DNLZ: variants seen among roughly 807,000 people sequenced by gnomAD.
DNLZ encodes DNL-type zinc finger protein.
In DNLZ, 15 loss-of-function variants were observed where a neutral mutation model predicts 7.8. The observed-to-expected ratio is 1.91, with a 90% CI of 1.28 to 2.95. The LOEUF (loss-of-function observed/expected upper bound fraction) is 2.95, where lower values mean the gene tolerates loss of function less well. DNLZ is among the 30% of genes most tolerant of loss of function. DNLZ has a pLI of 0.00. For synonymous variants in DNLZ, 123 were observed against 77.8 expected (o/e 1.58, Z -3.05); for missense variants, 255 against 167.3 (o/e 1.52, Z -2.89).
chr9:136,363,227 C>G, intron 1 of DNLZ, 99 bp from the exon 2 acceptor site: 1 of 1,418,100 alleles, frequency 7.1e-7, no homozygotes, highest in East Asian at 2.3e-5. Context: ...CTCACCCTCT[C>G]CAGAGAAGGC....
rs1832969263 is a variant in DNLZ at position 136,360,872 on chromosome 9, G to C, written c.*1140C>G. On this transcript the variant is annotated 3_prime_UTR_variant, in exon 3 of 3. Coordinates refer to ENST00000371738, the MANE Select transcript of DNLZ (RefSeq NM_001080849.3). ...CCCACATGCTGGTCCAGGCCCTCTG[G>C]AGGCAGTGAGGCAGCCAAGCCAAGC... The C allele has an allele frequency of 6.6e-6, 1 of 152,194 alleles. No individual in the cohort carries two copies. Among genetic ancestry groups the C allele is most frequent in the African/African-American group, 2.4e-5 (1 of 41,422 alleles). 9.4% of individuals were successfully genotyped at this position (152,194 alleles called of 1,614,324 possible). A position where few individuals can be genotyped will look rare whatever the true frequency, so the allele number is the denominator to read the frequency against.
intron 2 of DNLZ, 25 bp downstream of exon 2, chr9:136,362,964 C>T: frequency 6.2e-7 from 1 of 1,611,886 alleles, no homozygotes; most frequent in Non-Finnish European, 8.5e-7. Flanking sequence ...GGCCTTCTGG[C>T]CCAGCCCTGG....
In DNLZ at chr9:136,362,093, T is replaced by C. The variant is rs759222245; in HGVS notation, c.456A>G (p.Ala152=). Residue 152 remains alanine, a synonymous_variant, in exon 3 of 3, where the codon GCA becomes GCG. Transcript: ENST00000371738. ...GAGCTGCAGTGGATGTGGGGGCCCC[T>C]GCAGCCTCCAGAACCAGTTCCAGGG... is the stretch of plus-strand genomic sequence containing the variant. The part of the protein sequence containing the change: ...EGALELVLEA[A]GAPTSTAAPE... The C allele has an allele frequency of 6.8e-7, 1 of 1,470,616 alleles. No individual in the cohort carries two copies. Among genetic ancestry groups the C allele is most frequent in the Non-Finnish European group, 9.0e-7 (1 of 1,108,768 alleles). The allele number at this position is 1,470,616 out of a possible 1,614,324, so 91.1% of individuals were successfully genotyped here.
chr9:136,362,170 C>G lies in DNLZ; in HGVS notation c.379G>C (p.Glu127Gln), dbSNP rs756581936. Residue 127 changes from glutamate to glutamine, a missense_variant, in exon 3 of 3, where the codon GAG becomes CAG. Physicochemically the swap from Glu to Gln is conservative, Grantham distance 29. Coordinates refer to ENST00000371738, the MANE Select transcript of DNLZ (RefSeq NM_001080849.3). ...TGCTCGCCTCTGGCCGTCAGGATCT[C>G]TTCGATATTTCTGGGGGGCAGGGAG... ...SDLNGKRNIE[E>Q]ILTARGEQVH... The G allele has an allele frequency of 1.3e-6, 2 of 1,491,978 alleles. No homozygotes were observed. Among genetic ancestry groups the G allele is most frequent in the Non-Finnish European group, 1.8e-6 (2 of 1,125,494 alleles). 92.4% of individuals were successfully genotyped at this position (1,491,978 alleles called of 1,614,324 possible). A position where few individuals can be genotyped will look rare whatever the true frequency, so the allele number is the denominator to read the frequency against.
At chr9:136,362,848 T>A (rs754996952) in intron 2 of DNLZ, 141 bp downstream of exon 2, 6 of 697,974 alleles carry the variant, frequency 8.6e-6, no homozygotes, top group Non-Finnish European at 1.4e-5. Flanking sequence ...AATTCTCATT[T>A]AACTGTGTGT....
intron 2 of DNLZ, 62 bp from the exon 3 acceptor site, chr9:136,362,242 C>T (rs897883392): frequency 2.9e-6 from 4 of 1,374,174 alleles, no homozygotes; most frequent in Non-Finnish European, 3.8e-6. Flanking sequence ...ACTTCAGTCC[C>T]CTCAGGGCGC....
At chr9:136,362,966 C>T in intron 2 of DNLZ, 23 bp downstream of exon 2, 1 of 1,612,044 alleles carries the variant, frequency 6.2e-7, no homozygotes, top group South Asian at 1.1e-5. Context: ...CCTTCTGGCC[C>T]AGCCCTGGGG....
rs1217139028 is a variant in DNLZ, at chr9:136,361,000, C to T, written c.*1012G>A. 1.3e-5 allele frequency: 2 copies of T among 152,288 alleles called. No homozygotes were observed. Among genetic ancestry groups the T allele is most frequent in the Admixed American group, 1.3e-4 (2 of 15,288 alleles). The allele number at this position is 152,288 out of a possible 1,614,324, so 9.4% of individuals were successfully genotyped here. On this transcript the variant is annotated 3_prime_UTR_variant, in exon 3 of 3. Transcript: ENST00000371738. ...GGCTCAGCCGAGAAGAGGACAGTTT[C>T]CACAAATGGCACAGAAGGCTCTGGG...
In DNLZ at chr9:136,363,083, G is replaced by T; in HGVS notation, c.274C>A (p.His92Asn). ...SSKRISKLAY[H>N]QGVVIVTCPG... Reference sequence around the variant, plus strand: ...CAGGTCACAATGACCACGCCTTGGTGATAGGCCAGCTTGGAGATGCGCTTG... The same window carrying T: ...CAGGTCACAATGACCACGCCTTGGTTATAGGCCAGCTTGGAGATGCGCTTG... Residue 92 changes from histidine to asparagine, a missense_variant, in exon 2 of 3, where the codon CAC becomes AAC. Coordinates refer to ENST00000371738, the MANE Select transcript of DNLZ (RefSeq NM_001080849.3). 1 of 1,613,692 alleles carries T rather than the reference G, an allele frequency of 6.2e-7. No homozygotes were observed. The highest frequency in any genetic ancestry group is 8.5e-7 in the Non-Finnish European group (1 of 1,179,988).
At position 136,363,016 on chromosome 9, in the gene DNLZ, C is replaced by G. The variant is rs1363033593; in HGVS notation, c.341G>C (p.Gly114Ala). ...QNHHIIADNL[G>A]WFSDLNGKRN... is the part of the protein sequence containing the mutation. ...CTTCCCATTCAGGTCCGAGAACCAGCCCAGGTTGTCAGCGATGATATGGTG... is the reference window on the plus strand; with the variant it reads ...CTTCCCATTCAGGTCCGAGAACCAGGCCAGGTTGTCAGCGATGATATGGTG... Residue 114 changes from glycine to alanine, a missense_variant, in exon 2 of 3, where the codon GGC becomes GCC. Coordinates refer to ENST00000371738, the MANE Select transcript of DNLZ (RefSeq NM_001080849.3). 33 of 1,613,676 alleles carry G rather than the reference C, an allele frequency of 2.0e-5. No homozygotes were observed. The highest frequency in any genetic ancestry group is 2.8e-5 in the Non-Finnish European group (33 of 1,179,992).
rs991573320 is a variant in DNLZ at position 136,360,475 on chromosome 9, G to GC, written c.*1536_*1537insG. On this transcript the variant is annotated 3_prime_UTR_variant, in exon 3 of 3. Transcript: ENST00000371738. ...CGGGAGGCAGGGATGTCCTGGGGCG[G>GC]GGGGGTGTAGAGTGGCAGGAGATTA... 3.9e-5 allele frequency: 6 copies of GC among 152,112 alleles called. No homozygotes were observed. Among genetic ancestry groups the GC allele is most frequent in the African/African-American group, 9.7e-5 (4 of 41,394 alleles). 9.4% of individuals were successfully genotyped at this position (152,112 alleles called of 1,614,324 possible).
Position 136,363,123 on chromosome 9 carries a change from G to T in DNLZ, c.234C>A (p.Cys78Ter). Residue 78 changes from cysteine to a stop codon, truncating the protein, a stop_gained, in exon 2 of 3, where the codon TGC becomes TGA. Transcript: ENST00000371738. LOFTEE classifies it high-confidence loss of function. ...AGATGCGCTTGGAGGACCTAGTCCC[G>T]CAGACCTGGCTGGGACAGGGTAGCT... The part of the protein sequence containing the change: ...HYQLVYTCKV[C>*]GTRSSKRISK... 7 of 1,613,218 alleles carry T rather than the reference G, an allele frequency of 4.3e-6. No individual in the cohort carries two copies. In the South Asian group the frequency reaches 7.7e-5, roughly 18 times the overall value.
intron 1 of DNLZ, 99 bp downstream of exon 1, chr9:136,363,388 C>G: frequency 4.0e-6 from 3 of 748,808 alleles, no homozygotes; most frequent in East Asian, 2.5e-5. Flanking sequence ...TGTGACTTGA[C>G]CACGCCGCCT....
intron 1 of DNLZ, 74 bp from the exon 2 acceptor site, chr9:136,363,202 G>A: frequency 3.8e-6 from 6 of 1,566,578 alleles, no homozygotes; most frequent in Non-Finnish European, 5.2e-6. Context: ...CCCCTCTAGG[G>A]GTAGCTCCAG....
chr9:136,363,256 C>T, intron 1 of DNLZ, 128 bp from the exon 2 acceptor site: 1 of 1,094,930 alleles, frequency 9.1e-7, no homozygotes. Context: ...CGAGGGATAG[C>T]TCCACCCACC....
chr9:136,363,022 T>C lies in DNLZ; in HGVS notation c.335A>G (p.Asn112Ser). The change falls in exon 2 of 3, where the codon AAC becomes AGC. Residue 112 changes from asparagine to serine, a missense_variant. By Grantham distance (46) the Asn-to-Ser change is conservative. Coordinates refer to ENST00000371738, the MANE Select transcript of DNLZ (RefSeq NM_001080849.3). ...ATTCAGGTCCGAGAACCAGCCCAGG[T>C]TGTCAGCGATGATATGGTGGTTCTG... ...GCQNHHIIAD[N>S]LGWFSDLNGK... 1 of 1,613,716 alleles carries C rather than the reference T, an allele frequency of 6.2e-7. No homozygotes were observed. The highest frequency in any genetic ancestry group is 8.5e-7 in the Non-Finnish European group (1 of 1,179,954).
At chr9:136,362,342 C>T (rs1356052137) in intron 2 of DNLZ, among the ~76,000 whole-genome samples, 162 bp from the exon 3 acceptor site, 1 of 152,236 alleles carries the variant, frequency 6.6e-6, no homozygotes, top group Admixed American at 6.5e-5. Context: ...CCTGTGTGCC[C>T]TCACCAGCCC....
chr9:136,363,314 AC>A, intron 1 of DNLZ, 172 bp downstream of exon 1: 1 of 515,014 alleles, frequency 1.9e-6, no homozygotes, highest in South Asian at 2.4e-5. Context: ...GGACGGCTCC[AC>A]CCCTCCTCAT....
chr9:136,363,279 C>T (rs971260315), intron 1 of DNLZ, 151 bp from the exon 2 acceptor site: 18 of 902,394 alleles, frequency 2.0e-5, no homozygotes, highest in East Asian at 5.3e-5. Flanking sequence ...CAACCTCGCC[C>T]TCTCCCGGGA....
Sources: allele counts gnomAD v4.1 joint callset (sites outside exome capture counted in the v4.1 genomes callset), GRCh38; gene constraint gnomAD v4.1.1; transcripts MANE v1.5; gene names NCBI Gene and HGNC (gene_info 2026-07-23, HGNC 2026-07-21).